SLCO4A1: variants seen among roughly 807,000 people sequenced by gnomAD.
The protein encoded by SLCO4A1 is solute carrier organic anion transporter family member 4A1, also known as colon organic anion transporter.
In SLCO4A1, 51 loss-of-function variants were observed where a neutral mutation model predicts 64.6. The observed-to-expected ratio is 0.79, with a 90% confidence interval of 0.63 to 1.00. SLCO4A1 has a LOEUF of 1.00. Among genes scored for constraint, SLCO4A1 ranks in the 50% least tolerant of loss-of-function variants. SLCO4A1 has a pLI of 0.00. For synonymous variants in SLCO4A1, 471 were observed against 444.9 expected (o/e 1.06, Z -0.74); for missense variants, 919 against 980.5 (o/e 0.94, Z 0.84).
At chr20:62,663,443 C>T (rs1301733973) in intron 5 of SLCO4A1, 2 of 152,212 alleles carry the variant, frequency 1.3e-5, no homozygotes, top group Non-Finnish European at 1.5e-5. Context: ...TGTAGGTTTA[C>T]AGGATGTCAC....
At chr20:62,662,980 A>G (rs895343975) in intron 5 of SLCO4A1, 1 of 152,248 alleles carries the variant, frequency 6.6e-6, no homozygotes, top group Non-Finnish European at 1.5e-5. Context: ...GTGGGACCCA[A>G]GTAGTTAACC....
chr20:62,682,021 C>T (rs1180660640), intron 2 of SLCO4A1, among the ~76,000 whole-genome samples: 1 of 152,198 alleles, frequency 6.6e-6, no homozygotes, highest in Non-Finnish European at 1.5e-5. Flanking sequence ...TGAGCTAGGA[C>T]TGAGCCCTCA....
At chr20:62,664,284 G>A (rs1985656880) in intron 5 of SLCO4A1, among the ~76,000 whole-genome samples, 1 of 152,180 alleles carries the variant, frequency 6.6e-6, no homozygotes, top group African/African-American at 2.4e-5. Context: ...TGGCCCCCAA[G>A]TGCAAACCAA....
intron 3 of SLCO4A1, among the ~76,000 whole-genome samples, chr20:62,659,758 G>A (rs903900288): frequency 1.3e-5 from 2 of 152,194 alleles, no homozygotes; most frequent in African/African-American, 4.8e-5. Flanking sequence ...CTGTCTCTGC[G>A]GCTCTGCTCC....
rs1263345952 is a variant in SLCO4A1, at chr20:62,685,386, T to G, written n.212-55T>G. On this transcript the variant is annotated intron_variant and non_coding_transcript_variant, in intron 2 of 2. Transcript: ENST00000466818. The surrounding 1 kb of genome is among the most constrained non-coding windows in gnomAD (Gnocchi z 4.6). ...CTGCACCCGCTCCCTTCCACTCTGC[T>G]GTGGCCTGACCAAGCGGGCTGTTTT... 26 of 945,504 alleles carry G rather than the reference T, an allele frequency of 2.7e-5. No homozygotes were observed. Among genetic ancestry groups the G allele is most frequent in the Non-Finnish European group, 3.0e-5 (24 of 793,584 alleles). The allele number at this position is 945,504 out of a possible 1,614,324, so 58.6% of individuals were successfully genotyped here.
intron 1 of SLCO4A1, chr20:62,651,502 T>G (rs1414081694): frequency 2.0e-5 from 3 of 152,234 alleles, no homozygotes; most frequent in Non-Finnish European, 4.4e-5. Context: ...GGCCGTCTGA[T>G]GGGCATCTGT....
At chr20:62,690,148 C>A (rs1306630256), downstream of SLCO4A1, among the ~76,000 whole-genome samples, 1 of 152,232 alleles carries the variant, frequency 6.6e-6, no homozygotes, top group Non-Finnish European at 1.5e-5. Flanking sequence ...CCCTCCCTCG[C>A]ATCGGCCACC....
In SLCO4A1 at chr20:62,671,599, G is replaced by A. The variant is rs540602400; in HGVS notation, c.2026-151G>A. On this transcript the variant is annotated intron_variant, in intron 11 of 11. Transcript: ENST00000217159. ...GTCTGCTCTACAAACCGGTTATATG[G>A]GAAAGATACCCTCTCAGAGCAGGAT... The A allele has an allele frequency of 2.4e-4, 171 of 706,008 alleles. 2 individuals are homozygous for A. The African/African-American group carries it at 2.7e-3, about 11-fold the overall frequency. 43.7% of individuals were successfully genotyped at this position (706,008 alleles called of 1,614,324 possible).
intron 1 of SLCO4A1, among the ~76,000 whole-genome samples, chr20:62,646,177 G>A (rs1257774597): frequency 2.0e-5 from 3 of 152,074 alleles, no homozygotes; most frequent in African/African-American, 4.8e-5. Context: ...CTTTGCTGGC[G>A]GACCTCTGAG....
intron 11 of SLCO4A1, among the ~76,000 whole-genome samples, chr20:62,671,063 C>T (rs1170250907): frequency 1.3e-5 from 2 of 152,268 alleles, no homozygotes; most frequent in African/African-American, 4.8e-5. Context: ...GTCCTCTTGC[C>T]CTGCAAAGTC....
rs1168705993 is a variant in SLCO4A1 at position 62,685,230 on chromosome 20, C to T, written n.212-211C>T. ...GCAGGCGGGCAGGGGAGGGTGGCAG[C>T]GGGGTGTGGGGGCAGGAGGAGGGGG... On this transcript the variant is annotated intron_variant and non_coding_transcript_variant, in intron 2 of 2. Transcript: ENST00000466818. This position sits in a 1 kb window ranked among gnomAD's most constrained non-coding sequence, Gnocchi z 4.6. 3.2e-5 allele frequency among the ~76,000 whole-genome samples: 1 copy of T among 30,950 alleles called. No homozygotes were observed. Among genetic ancestry groups the T allele is most frequent in the Non-Finnish European group, 6.3e-5 (1 of 15,794 alleles). 20.3% of individuals were successfully genotyped at this position (30,950 alleles called of 152,430 possible).
chr20:62,683,279 G>C (rs1987916236), intron 2 of SLCO4A1, among the ~76,000 whole-genome samples: 3 of 152,002 alleles, frequency 2.0e-5, no homozygotes, highest in Non-Finnish European at 4.4e-5. Flanking sequence ...TGGACCTCGG[G>C]CTCTCGGGAG....
intron 10 of SLCO4A1, 123 bp from the exon 11 acceptor site, chr20:62,668,806 CT>C (rs1242259176): frequency 3.0e-5 from 31 of 1,039,070 alleles, no homozygotes; most frequent in Admixed American, 1.0e-4. Flanking sequence ...TTTGCACCCC[CT>C]GAGAACTCCA....
Position 62,656,421 on chromosome 20 carries a change from T to A in SLCO4A1, c.-34T>A. On this transcript the variant is annotated 5_prime_UTR_variant, in exon 2 of 12. Coordinates refer to ENST00000217159, the MANE Select transcript of SLCO4A1 (RefSeq NM_016354.4). Reference sequence around the variant, plus strand: ...GCTGAGGCCACTCCCACTGCGTGGCTGAAGCCTCGAGGTCACCAGGCGGAG... The same window carrying A: ...GCTGAGGCCACTCCCACTGCGTGGCAGAAGCCTCGAGGTCACCAGGCGGAG... 1.4e-6 allele frequency: 2 copies of A among 1,448,802 alleles called. No homozygotes were observed. The highest frequency in any genetic ancestry group is 1.8e-6 in the Non-Finnish European group (2 of 1,100,672). The allele number at this position is 1,448,802 out of a possible 1,614,324, so 89.7% of individuals were successfully genotyped here.
At chr20:62,658,811 G>C in intron 3 of SLCO4A1, 44 bp downstream of exon 3, 4 of 1,498,426 alleles carry the variant, frequency 2.7e-6, no homozygotes, top group Non-Finnish European at 3.7e-6. Flanking sequence ...AGAGGCCCAC[G>C]TGTCTCTGGA....
At chr20:62,653,054 G>A (rs960382580) in intron 1 of SLCO4A1, among the ~76,000 whole-genome samples, 5 of 152,222 alleles carry the variant, frequency 3.3e-5, no homozygotes, top group African/African-American at 9.6e-5. Flanking sequence ...GGCCTGGGAC[G>A]GTGCCTGGTA....
intron 2 of SLCO4A1, 98 bp from the exon 3 acceptor site, chr20:62,658,579 G>A (rs1420161855): frequency 6.8e-6 from 6 of 880,194 alleles, no homozygotes; most frequent in Non-Finnish European, 8.9e-6. Flanking sequence ...GATGCAGAAT[G>A]GCGGGTGCGG....
chr20:62,676,307 C>A (rs1040000378), downstream of SLCO4A1, among the ~76,000 whole-genome samples: 3 of 152,092 alleles, frequency 2.0e-5, no homozygotes, highest in East Asian at 1.9e-4. Flanking sequence ...GTAGTCCCAG[C>A]TACTTGGGAG....
intron 1 of SLCO4A1, among the ~76,000 whole-genome samples, chr20:62,653,182 A>G (rs1487994592): frequency 6.6e-6 from 1 of 152,196 alleles, no homozygotes; most frequent in African/African-American, 2.4e-5. Context: ...CCATTCGCTG[A>G]GAGGGCGAGA....
Sources: allele counts gnomAD v4.1 joint callset (sites outside exome capture counted in the v4.1 genomes callset), GRCh38; gene constraint gnomAD v4.1.1; non-coding constraint Gnocchi (gnomAD v3.1); transcripts MANE v1.5; gene names NCBI Gene and HGNC (gene_info 2026-07-23, HGNC 2026-07-21).